Variants in PAM observed in about 807,000 individuals in gnomAD.
The protein encoded by PAM is peptidylglycine alpha-amidating monooxygenase.
Under a neutral mutation model 122.1 loss-of-function variants are expected in PAM, and 72 were observed. That is an observed-to-expected ratio of 0.59 (90% CI 0.49 to 0.72). The LOEUF (loss-of-function observed/expected upper bound fraction) is 0.72. Among genes scored for constraint, PAM ranks in the 30% least tolerant of loss-of-function variants. The pLI is 0.00. For synonymous variants in PAM, 389 were observed against 404.4 expected, an observed-to-expected ratio of 0.96 and a Z score of 0.46; for missense variants, 1,106 against 1,183.7, an observed-to-expected ratio of 0.93 and a Z score of 0.96.
chr5:102,907,805 T>C (rs2151488331), intron 4 of PAM, among the ~76,000 whole-genome samples: 1 of 152,266 alleles, frequency 6.6e-6, no homozygotes, highest in South Asian at 2.1e-4. Context: ...CTTTGCCCAT[T>C]TTTTGATGGG....
At chr5:102,836,781 G>A (rs181518914) in intron 1 of PAM, among the ~76,000 whole-genome samples, 158 of 151,442 alleles carry the variant, frequency 1.0e-3, no homozygotes, top group African/African-American at 3.7e-3. Flanking sequence ...CCTTGAACTT[G>A]CTATCTTGTA....
chr5:102,965,730 CA>C (rs1020888476), intron 14 of PAM, among the ~76,000 whole-genome samples: 1 of 151,922 alleles, frequency 6.6e-6, no homozygotes, highest in African/African-American at 2.4e-5. Context: ...GAGAATATGA[CA>C]AAAATATAAT....
At chr5:103,016,616 T>G (rs113278224) in intron 21 of PAM, among the ~76,000 whole-genome samples, 1 of 152,184 alleles carries the variant, frequency 6.6e-6, no homozygotes, top group East Asian at 1.9e-4. Flanking sequence ...GTCCTCATAA[T>G]GGAGATGACA....
At chr5:102,849,555 C>CAAAAAA in intron 1 of PAM, among the ~76,000 whole-genome samples, 1 of 73,502 alleles carries the variant, frequency 1.4e-5, no homozygotes, top group Non-Finnish European at 3.1e-5. Flanking sequence ...AAGACTGTCT[C>CAAAAAA]AAAAAAAAAA....
At chr5:102,945,904 C>G (rs957663701) in intron 7 of PAM, among the ~76,000 whole-genome samples, 1 of 152,038 alleles carries the variant, frequency 6.6e-6, no homozygotes, top group African/African-American at 2.4e-5. Flanking sequence ...TTATATATAG[C>G]CTAATGAATT....
At chr5:102,866,456 A>G (rs1417986217) in intron 2 of PAM, 172 bp downstream of exon 2, 2 of 601,154 alleles carry the variant, frequency 3.3e-6, no homozygotes, top group Non-Finnish European at 6.0e-6. Flanking sequence ...AGCCCACTGC[A>G]TTGTAGCCAA....
intron 3 of PAM, among the ~76,000 whole-genome samples, chr5:102,870,155 G>A (rs1405528660): frequency 6.6e-6 from 1 of 151,184 alleles, no homozygotes; most frequent in Non-Finnish European, 1.5e-5. Flanking sequence ...TTTAAAGAAG[G>A]AACAGAGAAG....
At chr5:102,938,177 G>A (rs182682877) in intron 7 of PAM, among the ~76,000 whole-genome samples, 5 of 152,060 alleles carry the variant, frequency 3.3e-5, no homozygotes, top group African/African-American at 1.2e-4. Flanking sequence ...TTTTTTTCTT[G>A]CAGCCTCTTC....
intron 15 of PAM, among the ~76,000 whole-genome samples, chr5:102,980,768 T>C (rs1039189096): frequency 1.3e-5 from 2 of 152,180 alleles, no homozygotes; most frequent in African/African-American, 4.8e-5. Flanking sequence ...TTAACTATCC[T>C]AGAATTTCTG....
At chr5:102,775,834 T>C (rs182918236) in intron 1 of PAM, among the ~76,000 whole-genome samples, 1 of 152,286 alleles carries the variant, frequency 6.6e-6, no homozygotes, top group Admixed American at 6.5e-5. Flanking sequence ...AGAATGATTT[T>C]TATTCCTTTG....
intron 16 of PAM, among the ~76,000 whole-genome samples, chr5:103,000,964 A>T (rs1023102672): frequency 6.6e-5 from 10 of 152,172 alleles, no homozygotes; most frequent in African/African-American, 2.2e-4. Context: ...ACAAAAAAAA[A>T]TTATTAAATT....
chr5:102,977,507 T>C (rs1768073738), intron 15 of PAM, among the ~76,000 whole-genome samples: 1 of 152,068 alleles, frequency 6.6e-6, no homozygotes, highest in South Asian at 2.1e-4. Flanking sequence ...ATCTGAAAAC[T>C]CTGAACAATT....
Position 103,009,756 on chromosome 5 carries a change from C to T in PAM, c.2221C>T (p.Leu741Phe). ...AACTGGATTTGCTGTTGCAGGCTTG[C>T]TCTTTGCAGTGAATGGGAAGCCTCA... is the stretch of plus-strand genomic sequence containing the variant. Reference protein sequence around the residue: ...VFAISYIPGLLFAVNGKPHFG... With the variant: ...VFAISYIPGLFFAVNGKPHFG... The change falls in exon 21 of 26, where the codon CTC (leucine) becomes TTC (phenylalanine). Residue 741 changes from leucine (L) to phenylalanine (F), a missense_variant. Leu to Phe is a conservative substitution (Grantham distance 22). This residue lies in a region of PAM where 333 missense variants were observed against 335.6 expected (regional missense o/e 0.99). Transcript: ENST00000438793. 3 of 1,590,238 alleles carry T rather than the reference C, an allele frequency of 1.9e-6. No individual in the cohort carries two copies. Among genetic ancestry groups the T allele is most frequent in the Non-Finnish European group, 2.6e-6 (3 of 1,158,562 alleles).
chr5:102,949,281 G>A, intron 9 of PAM, among the ~76,000 whole-genome samples: 1 of 152,048 alleles, frequency 6.6e-6, no homozygotes, highest in East Asian at 1.9e-4. Context: ...TTAAGCCTAT[G>A]TTTTCACTAA....
chr5:103,005,249 T>A, intron 18 of PAM, 23 bp downstream of exon 18: 1 of 1,017,896 alleles, frequency 9.8e-7, no homozygotes, highest in Non-Finnish European at 1.6e-6. Flanking sequence ...TTGGTAATAT[T>A]CAAATTAGAA....
chr5:102,948,541 A>G lies in PAM; in HGVS notation c.643+96A>G, dbSNP rs559691518. The G allele has an allele frequency of 4.3e-4, 285 of 657,772 alleles. No individual in the cohort carries two copies. In the African/African-American group the frequency reaches 4.5e-3, roughly 10 times the overall value. The allele number at this position is 657,772 out of a possible 1,614,324, so 40.7% of individuals were successfully genotyped here. A position where few individuals can be genotyped will look rare whatever the true frequency, so the allele number is the denominator to read the frequency against. On this transcript the variant is annotated intron_variant, in intron 9 of 25. Transcript: ENST00000438793. ...TTTTTATAAACTTTAAAAATAATCA[A>G]TATTTTTATGTCTTGGAAAAATGAA...
At chr5:102,805,064 C>CTTT (rs527963126) in intron 1 of PAM, among the ~76,000 whole-genome samples, 84 of 103,768 alleles carry the variant, frequency 8.1e-4, no homozygotes, top group African/African-American at 1.5e-3. Context: ...GGGAATTTTC[C>CTTT]TTTTTTTTTT....
At chr5:102,945,569 G>A (rs145731546) in intron 7 of PAM, among the ~76,000 whole-genome samples, 273 of 151,396 alleles carry the variant, frequency 1.8e-3, no homozygotes, top group African/African-American at 6.2e-3. Context: ...TTTGATTCAC[G>A]ACAGTTCCCA....
chr5:102,874,685 A>C (rs1370591735), intron 3 of PAM, among the ~76,000 whole-genome samples: 2 of 152,110 alleles, frequency 1.3e-5, no homozygotes, highest in African/African-American at 4.8e-5. Flanking sequence ...ACAGTGTAAA[A>C]GACTCCTTAT....
Sources: gnomAD v4.1 joint callset for allele counts (sites outside exome capture counted in the v4.1 genomes callset) on GRCh38, gnomAD v4.1.1 for gene constraint, gnomAD v4.1.1 regional missense constraint, MANE v1.5 for transcripts, NCBI Gene and HGNC (gene_info 2026-07-23, HGNC 2026-07-21) for gene names.